The following PDE4D variants were observed in gnomAD, a reference collection of about 807,000 sequenced individuals.
PDE4D encodes 3',5'-cyclic-AMP phosphodiesterase 4D.
Under a neutral mutation model 87.4 loss-of-function variants are expected in PDE4D, and 24 were observed. The observed-to-expected ratio is 0.27, with a 90% CI of 0.20 to 0.39. The LOEUF is 0.39. Ranked by LOEUF, PDE4D falls within the 10% of genes least tolerant of loss-of-function variation. The pLI is 1.00. For synonymous variants in PDE4D, 384 were observed against 383.2 expected, an observed-to-expected ratio of 1.00 and a Z score of -0.02; for missense variants, 714 against 1,041.0, an observed-to-expected ratio of 0.69 and a Z score of 4.32.
intron 6 of PDE4D, among the ~76,000 whole-genome samples, chr5:59,005,026 T>C (rs1279694507): frequency 6.6e-6 from 1 of 152,234 alleles, no homozygotes; most frequent in Non-Finnish European, 1.5e-5. Flanking sequence ...AAAAAGATTG[T>C]TGGCTGATGC....
At position 59,574,031 on chromosome 5, in the gene PDE4D, AATATATATTT is replaced by A. The variant is rs1385499474; in HGVS notation, c.455+319127_455+319136del. ...ATATATATATATATATATATATAAA[AATATATATTT>A]ATATATATTTATATATAAAAATATA... On this transcript the variant is annotated intron_variant, in intron 1 of 14. Coordinates refer to ENST00000340635, the MANE Select transcript of PDE4D (RefSeq NM_001104631.2). 3.4e-3 allele frequency among the ~76,000 whole-genome samples: 357 copies of A among 104,718 alleles called. 9 individuals carry two copies. The highest frequency in any genetic ancestry group is 0.012 in the African/African-American group (285 of 24,304). 68.7% of individuals were successfully genotyped at this position (104,718 alleles called of 152,430 possible). A position where few individuals can be genotyped will look rare whatever the true frequency, so the allele number is the denominator to read the frequency against.
chr5:59,638,689 G>GTT (rs112132929), intron 1 of PDE4D, among the ~76,000 whole-genome samples: 36 of 148,150 alleles, frequency 2.4e-4, no homozygotes, highest in Middle Eastern at 6.9e-3. Context: ...GTTTTTTGTT[G>GTT]TTTTTTTTTT....
intron 1 of PDE4D, among the ~76,000 whole-genome samples, chr5:59,252,728 T>C (rs538399285): frequency 3.9e-5 from 6 of 152,154 alleles, no homozygotes; most frequent in Non-Finnish European, 7.4e-5. Flanking sequence ...GGTCTTCCTA[T>C]GTTGCCCAGG....
chr5:59,975,366 A>T (rs999952166), intron 3 of PDE4D, among the ~76,000 whole-genome samples: 2 of 152,150 alleles, frequency 1.3e-5, no homozygotes, highest in African/African-American at 4.8e-5. Flanking sequence ...TCTAGCACTT[A>T]CATCTTAAAG....
intron 1 of PDE4D, among the ~76,000 whole-genome samples, chr5:59,326,396 C>T (rs991403424): frequency 6.6e-6 from 1 of 150,866 alleles, no homozygotes; most frequent in Non-Finnish European, 1.5e-5. Context: ...ATTATTTTTC[C>T]CTCTCTGTGA....
intron 5 of PDE4D, among the ~76,000 whole-genome samples, chr5:59,104,934 T>C (rs1771342414): frequency 6.6e-6 from 1 of 152,208 alleles, no homozygotes; most frequent in Non-Finnish European, 1.5e-5. Flanking sequence ...AGTAAAGCAC[T>C]TTGAACTACA....
chr5:59,963,019 A>C (rs570768448), intron 3 of PDE4D, among the ~76,000 whole-genome samples: 1 of 152,316 alleles, frequency 6.6e-6, no homozygotes, highest in South Asian at 2.1e-4. Context: ...GAGAACGTGA[A>C]CACAGTCAGG....
intron 5 of PDE4D, among the ~76,000 whole-genome samples, chr5:59,170,775 T>A (rs1413731294): frequency 5.9e-5 from 9 of 152,246 alleles, no homozygotes; most frequent in Admixed American, 5.2e-4. Flanking sequence ...GGGAATTTTT[T>A]AACCCCTACC....
chr5:60,077,881 A>G (rs1345409410), intron 2 of PDE4D, among the ~76,000 whole-genome samples: 2 of 152,034 alleles, frequency 1.3e-5, no homozygotes, highest in Non-Finnish European at 2.9e-5. Flanking sequence ...AATTCACCCC[A>G]TCCCCAGGAG....
intron 1 of PDE4D, among the ~76,000 whole-genome samples, chr5:59,786,550 T>G (rs1765195417): frequency 6.6e-6 from 1 of 152,216 alleles, no homozygotes; most frequent in African/African-American, 2.4e-5. Context: ...AATTGGATCT[T>G]GACATTCTGC....
chr5:59,626,035 C>T (rs1430212518), intron 1 of PDE4D, among the ~76,000 whole-genome samples: 2 of 152,186 alleles, frequency 1.3e-5, no homozygotes. Flanking sequence ...TTGCAGTGAG[C>T]CCAGATTGTG....
At chr5:59,778,397 A>C (rs1561648064) in intron 1 of PDE4D, among the ~76,000 whole-genome samples, 1 of 152,250 alleles carries the variant, frequency 6.6e-6, no homozygotes, top group Non-Finnish European at 1.5e-5. Context: ...GAAGAGCTCA[A>C]ATGGTTGCTA....
chr5:60,222,375 A>AAG (rs1426966296), intron 1 of PDE4D, among the ~76,000 whole-genome samples: 4 of 152,022 alleles, frequency 2.6e-5, no homozygotes, highest in Non-Finnish European at 5.9e-5. Context: ...AATCTCATGA[A>AAG]AGACTCTGAG....
At chr5:60,155,369 CT>C (rs1347250664) in intron 2 of PDE4D, among the ~76,000 whole-genome samples, 1 of 152,004 alleles carries the variant, frequency 6.6e-6, no homozygotes, top group Non-Finnish European at 1.5e-5. Flanking sequence ...TGCTTATTGA[CT>C]ATTTGGATTT....
chr5:60,165,266 C>T (rs996786743), intron 2 of PDE4D, among the ~76,000 whole-genome samples: 13 of 152,154 alleles, frequency 8.5e-5, no homozygotes, highest in African/African-American at 3.1e-4. Context: ...CATGGACTGC[C>T]CTTTCACCAT....
chr5:60,307,489 C>A (rs913329967), intron 1 of PDE4D, among the ~76,000 whole-genome samples: 3 of 152,228 alleles, frequency 2.0e-5, no homozygotes, highest in African/African-American at 7.2e-5. Flanking sequence ...TTGACTTGTA[C>A]ATGCCAGCAA....
At chr5:59,454,732 A>G (rs1799663798) in intron 1 of PDE4D, among the ~76,000 whole-genome samples, 1 of 152,186 alleles carries the variant, frequency 6.6e-6, no homozygotes, top group African/African-American at 2.4e-5. Context: ...GAAAGTTTGA[A>G]ACTTCCTAGA....
At chr5:60,041,541 G>A (rs1419981803) in intron 2 of PDE4D, among the ~76,000 whole-genome samples, 2 of 152,216 alleles carry the variant, frequency 1.3e-5, no homozygotes, top group Non-Finnish European at 2.9e-5. Flanking sequence ...GCTCCGGTCT[G>A]CAGCTCCCAG....
chr5:59,705,548 C>T (rs564045740), intron 1 of PDE4D, among the ~76,000 whole-genome samples: 11 of 152,232 alleles, frequency 7.2e-5, no homozygotes, highest in Admixed American at 2.6e-4. Flanking sequence ...CCCCAGGCTA[C>T]GGTAAATATA....
Sources: allele counts gnomAD v4.1 joint callset (sites outside exome capture counted in the v4.1 genomes callset), GRCh38; gene constraint gnomAD v4.1.1; transcripts MANE v1.5; gene names NCBI Gene and HGNC (gene_info 2026-07-23, HGNC 2026-07-21).